The following KIF13B variants were observed in gnomAD, a reference collection of about 807,000 sequenced individuals.
KIF13B encodes the protein kinesin-like protein KIF13B.
Under a neutral mutation model 222.0 loss-of-function variants are expected in KIF13B, and 127 were observed. That is an observed-to-expected ratio of 0.57 (90% CI 0.50 to 0.66). KIF13B has a LOEUF of 0.66. KIF13B is among the 30% of genes least tolerant of loss of function. The pLI is 0.00. For synonymous variants in KIF13B, 976 were observed against 919.0 expected (o/e 1.06, Z -1.12); for missense variants, 2,173 against 2,379.0 (o/e 0.91, Z 1.80).
intron 12 of KIF13B, among the ~76,000 whole-genome samples, chr8:29,162,141 A>C (rs1024881371): frequency 4.6e-5 from 7 of 152,306 alleles, no homozygotes; most frequent in African/African-American, 1.4e-4. Context: ...TGGAGAGGGT[A>C]TCTTCGACTA....
intron 37 of KIF13B, among the ~76,000 whole-genome samples, chr8:29,079,317 C>T (rs1348906597): frequency 2.0e-5 from 3 of 152,196 alleles, no homozygotes; most frequent in Non-Finnish European, 4.4e-5. Context: ...CAGGGAGCAG[C>T]GCCCACCGGC....
At chr8:29,075,572 A>T (rs894710205) in intron 37 of KIF13B, among the ~76,000 whole-genome samples, 3 of 143,456 alleles carry the variant, frequency 2.1e-5, no homozygotes, top group Non-Finnish European at 4.6e-5. Context: ...CACATGGTGC[A>T]CTTACACACA....
chr8:29,104,086 G>A (rs531472345), intron 35 of KIF13B, among the ~76,000 whole-genome samples: 2 of 152,102 alleles, frequency 1.3e-5, no homozygotes, highest in South Asian at 2.1e-4. Context: ...CCTTGGCCCT[G>A]TCTTCATTCC....
intron 18 of KIF13B, among the ~76,000 whole-genome samples, chr8:29,143,851 T>A (rs998314143): frequency 4.4e-4 from 65 of 148,316 alleles, no homozygotes; most frequent in African/African-American, 1.2e-3. Context: ...TCAAAAAAAA[T>A]AATAATAATA....
intron 37 of KIF13B, among the ~76,000 whole-genome samples, chr8:29,090,577 C>T (rs2133541495): frequency 6.6e-6 from 1 of 152,252 alleles, no homozygotes; most frequent in Non-Finnish European, 1.5e-5. Context: ...GGGGGAGCTC[C>T]CTGGCCACCC....
intron 5 of KIF13B, among the ~76,000 whole-genome samples, chr8:29,187,911 G>C (rs1356772489): frequency 6.6e-6 from 1 of 152,156 alleles, no homozygotes; most frequent in Non-Finnish European, 1.5e-5. Context: ...TTAAGTAACT[G>C]CCCAGGTCTC....
chr8:29,090,954 G>GT (rs1299921871), intron 37 of KIF13B, among the ~76,000 whole-genome samples: 3 of 152,314 alleles, frequency 2.0e-5, no homozygotes, highest in African/African-American at 7.2e-5. Flanking sequence ...CTGACCTCAG[G>GT]TGAGCCACCT....
chr8:29,116,744 T>G, intron 31 of KIF13B, 87 bp downstream of exon 31: 1 of 1,284,542 alleles, frequency 7.8e-7, no homozygotes, highest in South Asian at 1.5e-5. Flanking sequence ...GGAGCCTGTT[T>G]GGACAGAAGG....
At chr8:29,129,025 T>C (rs1274515144) in intron 24 of KIF13B, among the ~76,000 whole-genome samples, 1 of 152,234 alleles carries the variant, frequency 6.6e-6, no homozygotes, top group Non-Finnish European at 1.5e-5. Context: ...ACCTAATTTA[T>C]GGCCTCTGTG....
At chr8:29,263,133 G>A (rs543790245), upstream of KIF13B, 371 of 1,199,586 alleles carry the variant, frequency 3.1e-4, 2 homozygotes, top group African/African-American at 5.5e-3. Context: ...GCGGAGCCGG[G>A]GGTGGGGACC....
chr8:29,257,042 A>G (rs989600522), intron 1 of KIF13B, among the ~76,000 whole-genome samples: 5 of 152,198 alleles, frequency 3.3e-5, no homozygotes, highest in African/African-American at 4.8e-5. Context: ...GGGGTGAGCC[A>G]CCACACCTGG....
chr8:29,126,640 C>A, intron 25 of KIF13B, 129 bp from the exon 26 acceptor site: 2 of 660,782 alleles, frequency 3.0e-6, no homozygotes, highest in Non-Finnish European at 5.4e-6. Flanking sequence ...TTTCATCTCC[C>A]ACCTACCCAC....
chr8:29,193,982 T>C (rs866829807), intron 3 of KIF13B, among the ~76,000 whole-genome samples: 3 of 88,880 alleles, frequency 3.4e-5, no homozygotes, highest in Non-Finnish European at 6.4e-5. Flanking sequence ...CACGCCTGGC[T>C]TTTTTTTTTT....
At chr8:29,123,814 T>C (rs896713199) in intron 27 of KIF13B, among the ~76,000 whole-genome samples, 2 of 152,318 alleles carry the variant, frequency 1.3e-5, no homozygotes, top group Non-Finnish European at 2.9e-5. Context: ...GTATTTGCTC[T>C]TTCTTTGTAG....
At chr8:29,139,350 T>C (rs534935784) in intron 21 of KIF13B, among the ~76,000 whole-genome samples, 1 of 152,278 alleles carries the variant, frequency 6.6e-6, no homozygotes, top group African/African-American at 2.4e-5. Flanking sequence ...CCATCACCTT[T>C]AAAATGGGCC....
chr8:29,212,787 A>G (rs914812311), intron 2 of KIF13B, among the ~76,000 whole-genome samples: 5 of 150,506 alleles, frequency 3.3e-5, no homozygotes, highest in African/African-American at 1.2e-4. Context: ...GCCCAAATTA[A>G]TGTGTTAATT....
At chr8:29,221,971 A>G (rs1299834983) in intron 2 of KIF13B, among the ~76,000 whole-genome samples, 1 of 152,130 alleles carries the variant, frequency 6.6e-6, no homozygotes, top group Non-Finnish European at 1.5e-5. Context: ...ATGAATTCAT[A>G]TTTCTATTCC....
intron 10 of KIF13B, among the ~76,000 whole-genome samples, chr8:29,170,931 G>A (rs1172801543): frequency 2.0e-5 from 3 of 151,760 alleles, no homozygotes; most frequent in Admixed American, 2.0e-4. Context: ...GAAAAAAAAG[G>A]AACTTGGACT....
intron 21 of KIF13B, among the ~76,000 whole-genome samples, chr8:29,137,685 A>G (rs766191700): frequency 4.6e-5 from 7 of 152,196 alleles, no homozygotes; most frequent in Non-Finnish European, 1.0e-4. Flanking sequence ...TTTTTACATA[A>G]AAGGCCATTA....
Sources: allele counts gnomAD v4.1 joint callset (sites outside exome capture counted in the v4.1 genomes callset), GRCh38; gene constraint gnomAD v4.1.1; transcripts MANE v1.5; gene names NCBI Gene and HGNC (gene_info 2026-07-23, HGNC 2026-07-21).